The following MAP6 variants were observed in gnomAD, a reference collection of about 807,000 sequenced individuals.
The protein encoded by MAP6 is microtubule associated protein 6.
A neutral mutation model predicts 42.4 loss-of-function variants in MAP6; 26 were observed. The ratio of observed to expected loss-of-function variants is 0.61; its 90% CI spans 0.45 to 0.85. The LOEUF is 0.85. Ranked by LOEUF, MAP6 falls within the 40% of genes least tolerant of loss-of-function variation. The pLI, the probability that MAP6 is intolerant of heterozygous loss-of-function variation, is 0.00. For missense variants in MAP6, 966 were observed against 1,099.0 expected (o/e 0.88, Z 1.71); for synonymous variants, 418 against 443.8 (o/e 0.94, Z 0.73).
At chr11:75,647,851 C>T (rs186199479) in intron 1 of MAP6, among the ~76,000 whole-genome samples, 8 of 152,222 alleles carry the variant, frequency 5.3e-5, no homozygotes, top group Admixed American at 2.0e-4. Context: ...AAGGCCAAGA[C>T]AATTCTGAAA....
chr11:75,666,673 C>T (rs540137283), intron 1 of MAP6, among the ~76,000 whole-genome samples: 4 of 152,204 alleles, frequency 2.6e-5, no homozygotes, highest in Non-Finnish European at 4.4e-5. Flanking sequence ...TCACAATGTC[C>T]GGCACACTGC....
At position 75,668,039 on chromosome 11, in the gene MAP6, C is replaced by T. The variant is rs1279742286; in HGVS notation, c.331G>A (p.Gly111Ser). 1.6e-6 allele frequency: 2 copies of T among 1,229,724 alleles called. No homozygotes were observed. Among genetic ancestry groups the T allele is most frequent in the African/African-American group, 3.1e-5 (2 of 63,742 alleles). The allele number at this position is 1,229,724 out of a possible 1,614,324, so 76.2% of individuals were successfully genotyped here. ...RSGPGPGLGS[G>S]STSGPADSVM... is the part of the protein sequence containing the mutation. ...GAGTCCGCGGGGCCGGAGGTGGAGC[C>T]GGAGCCCAGGCCCGGGCCCGGCCCG... The change falls in exon 1 of 4, where the codon GGC becomes AGC. Residue 111 changes from glycine to serine, a missense_variant. By Grantham distance (56) the Gly-to-Ser change is moderately conservative. Coordinates refer to ENST00000304771, the MANE Select transcript of MAP6 (RefSeq NM_033063.2).
chr11:75,590,897 G>A (rs1942465958), intron 3 of MAP6, among the ~76,000 whole-genome samples: 1 of 152,062 alleles, frequency 6.6e-6, no homozygotes, highest in African/African-American at 2.4e-5. Flanking sequence ...AGCCCAGGAG[G>A]TGGAGGTGGC....
At chr11:75,616,790 A>T (rs1943001904) in intron 1 of MAP6, among the ~76,000 whole-genome samples, 1 of 152,216 alleles carries the variant, frequency 6.6e-6, no homozygotes, top group South Asian at 2.1e-4. Context: ...GGGAGAAAAA[A>T]GTATTGCATA....
intron 1 of MAP6, among the ~76,000 whole-genome samples, chr11:75,662,229 A>G (rs946419605): frequency 6.6e-6 from 1 of 152,162 alleles, no homozygotes; most frequent in Non-Finnish European, 1.5e-5. Flanking sequence ...AGGATAAATG[A>G]CTTTCCATAT....
chr11:75,616,120 A>T (rs999672511), intron 1 of MAP6, among the ~76,000 whole-genome samples: 1 of 152,246 alleles, frequency 6.6e-6, no homozygotes, highest in Non-Finnish European at 1.5e-5. Context: ...ACATCTGCAT[A>T]TGTTAATTGG....
At chr11:75,601,651 C>G (rs773211971) in intron 3 of MAP6, among the ~76,000 whole-genome samples, 1 of 152,058 alleles carries the variant, frequency 6.6e-6, no homozygotes, top group Non-Finnish European at 1.5e-5. Context: ...GACAAGGGAG[C>G]ATGCAGGGTG....
At chr11:75,634,500 C>T (rs1490797953) in intron 1 of MAP6, among the ~76,000 whole-genome samples, 1 of 152,154 alleles carries the variant, frequency 6.6e-6, no homozygotes, top group Non-Finnish European at 1.5e-5. Flanking sequence ...TGGTCTTGAC[C>T]TCAAGTGATC....
chr11:75,666,926 T>C (rs1943957616), intron 1 of MAP6, among the ~76,000 whole-genome samples: 1 of 151,954 alleles, frequency 6.6e-6, no homozygotes, highest in Admixed American at 6.6e-5. Context: ...TGGGGGGTAA[T>C]TTGTAAAGAT....
At chr11:75,627,776 C>T (rs749138142) in intron 1 of MAP6, among the ~76,000 whole-genome samples, 10 of 152,126 alleles carry the variant, frequency 6.6e-5, no homozygotes, top group Admixed American at 3.9e-4. Context: ...CGTGTCTTGA[C>T]CTTGGACAGC....
rs1186909419 is a variant in MAP6, at chr11:75,655,071, C to T, written c.905+12394G>A. On this transcript the variant is annotated intron_variant, in intron 1 of 3. Transcript: ENST00000304771. ...CACTACTTACATCCATATTATCTCC[C>T]TCAAAAGACAGCAATCTCCTGCAAA... Among the ~76,000 whole-genome samples, 6 of 152,174 alleles carry T rather than the reference C, an allele frequency of 3.9e-5. No homozygotes were observed. In the East Asian group the frequency reaches 7.7e-4, roughly 20 times the overall value.
chr11:75,629,841 G>A (rs1943257226), intron 1 of MAP6, among the ~76,000 whole-genome samples: 1 of 152,156 alleles, frequency 6.6e-6, no homozygotes, highest in South Asian at 2.1e-4. Flanking sequence ...GGGGAATGAA[G>A]AGGAGAAGAG....
rs1943991942 is a variant in MAP6 at position 75,668,021 on chromosome 11, C to T, written c.349G>A (p.Ala117Thr). The T allele has an allele frequency of 2.4e-6, 3 of 1,234,502 alleles. No homozygotes were observed. Among genetic ancestry groups the T allele is most frequent in the Non-Finnish European group, 3.0e-6 (3 of 988,550 alleles). The allele number at this position is 1,234,502 out of a possible 1,614,324, so 76.5% of individuals were successfully genotyped here. Residue 117 changes from alanine to threonine, a missense_variant, in exon 1 of 4, where the codon GCG (alanine) becomes ACG (threonine). Physicochemically the swap from Ala to Thr is moderately conservative, Grantham distance 58. Around this residue, in one of 2 missense-constraint regions of MAP6, gnomAD observed 943 missense variants for 1,049.9 expected, o/e 0.90. Coordinates refer to ENST00000304771, the MANE Select transcript of MAP6 (RefSeq NM_033063.2). ...GLGSGSTSGP[A>T]DSVMRQDYRA... ...TAATCCTGCCGCATCACCGAGTCCG[C>T]GGGGCCGGAGGTGGAGCCGGAGCCC...
chr11:75,606,973 T>C (rs1444441016), intron 2 of MAP6, among the ~76,000 whole-genome samples: 1 of 152,220 alleles, frequency 6.6e-6, no homozygotes, highest in East Asian at 1.9e-4. Context: ...CGTCCTCTTT[T>C]GTCCAATGCT....
chr11:75,632,698 T>C (rs1209750325), intron 1 of MAP6, among the ~76,000 whole-genome samples: 1 of 152,194 alleles, frequency 6.6e-6, no homozygotes, highest in African/African-American at 2.4e-5. Flanking sequence ...AAGAGCATGA[T>C]AAGAACAGAT....
At chr11:75,607,173 A>G (rs1362664307) in intron 2 of MAP6, 1 of 946,998 alleles carries the variant, frequency 1.1e-6, no homozygotes, top group East Asian at 1.2e-4. Flanking sequence ...CAGTGCTAAA[A>G]TGGAAGAATC....
chr11:75,587,226 C>T lies in MAP6; in HGVS notation c.2275G>A (p.Asp759Asn). The T allele has an allele frequency of 6.2e-7, 1 of 1,614,094 alleles. No homozygotes were observed. The highest frequency in any genetic ancestry group is 1.1e-5 in the South Asian group (1 of 91,070). ...GGTACTGGCACCAGAGGATCTTGAT[C>T]CTTCAGAGGCACTGGGACTATAGGA... is the stretch of plus-strand genomic sequence containing the variant. The part of the protein sequence containing the change: ...QVPIVPVPLK[D>N]QDPLVPVPAK... Residue 759 changes from aspartate (D) to asparagine (N), a missense_variant, in exon 4 of 4, where the codon GAT (aspartate) becomes AAT (asparagine). Asp to Asn is a conservative substitution (Grantham distance 23). This residue lies in a region of MAP6 where 943 missense variants were observed against 1,049.9 expected (regional missense o/e 0.90). Coordinates refer to ENST00000304771, the MANE Select transcript of MAP6 (RefSeq NM_033063.2).
At chr11:75,602,467 A>G (rs766615628) in intron 3 of MAP6, among the ~76,000 whole-genome samples, 3 of 152,190 alleles carry the variant, frequency 2.0e-5, no homozygotes, top group Non-Finnish European at 2.9e-5. Flanking sequence ...TGAGCAAGTG[A>G]AGGCATCTCT....
intron 3 of MAP6, among the ~76,000 whole-genome samples, chr11:75,588,460 G>T (rs1312827419): frequency 1.3e-5 from 2 of 152,142 alleles, no homozygotes; most frequent in Non-Finnish European, 2.9e-5. Flanking sequence ...GGTGACAATG[G>T]CAGTACTGTA....
Sources: gnomAD v4.1 joint callset for allele counts (sites outside exome capture counted in the v4.1 genomes callset) on GRCh38, gnomAD v4.1.1 for gene constraint, gnomAD v4.1.1 regional missense constraint, MANE v1.5 for transcripts, NCBI Gene and HGNC (gene_info 2026-07-23, HGNC 2026-07-21) for gene names.